Variants in FGF14 observed in about 807,000 individuals in gnomAD.
FGF14 encodes the protein fibroblast growth factor 14.
A neutral mutation model predicts 25.5 loss-of-function variants in FGF14; 5 were observed. That is an observed-to-expected ratio of 0.20 (90% CI 0.10 to 0.41). The LOEUF is 0.41. FGF14 is among the 10% of genes least tolerant of loss of function. The pLI is 1.00. For synonymous variants in FGF14, 138 were observed against 118.3 expected (o/e 1.17, Z -1.08); for missense variants, 222 against 320.1 (o/e 0.69, Z 2.34).
intron 1 of FGF14, among the ~76,000 whole-genome samples, chr13:101,940,874 C>T (rs1462995291): frequency 3.3e-5 from 5 of 152,066 alleles, no homozygotes; most frequent in African/African-American, 4.8e-5. Context: ...AAATATTTTT[C>T]ATTCATAAGC....
Position 101,715,837 on chromosome 13 carries a change from AAAT to A in FGF14, c.*6991_*6993del. The A allele has an allele frequency of 2.1e-6, 1 of 471,028 alleles. No homozygotes were observed. Among genetic ancestry groups the A allele is most frequent in the Non-Finnish European group, 3.8e-6 (1 of 262,558 alleles). 29.2% of individuals were successfully genotyped at this position (471,028 alleles called of 1,614,324 possible). A position where few individuals can be genotyped will look rare whatever the true frequency, so the allele number is the denominator to read the frequency against. On this transcript the variant is annotated 3_prime_UTR_variant, in exon 5 of 5. Transcript: ENST00000376143. ...AAATGAGTTATGCAAATTTAGATGC[AAAT>A]AACATTAGAAAAAAAAGATTCTTCC...
At chr13:102,128,679 C>T (rs1347446882) in intron 1 of FGF14, among the ~76,000 whole-genome samples, 1 of 152,064 alleles carries the variant, frequency 6.6e-6, no homozygotes, top group Non-Finnish European at 1.5e-5. Context: ...CACTGGCAAA[C>T]GTATGTGAAA....
chr13:102,383,442 G>A (rs2058232434), intron 1 of FGF14, among the ~76,000 whole-genome samples: 1 of 152,166 alleles, frequency 6.6e-6, no homozygotes, highest in African/African-American at 2.4e-5. Flanking sequence ...CTTTGTAGAA[G>A]TAATAGCTAT....
intron 1 of FGF14, among the ~76,000 whole-genome samples, chr13:101,875,520 C>G (rs1192701175): frequency 6.6e-6 from 1 of 152,044 alleles, no homozygotes; most frequent in Non-Finnish European, 1.5e-5. Flanking sequence ...TTTTATAAAA[C>G]TGGTATATGC....
intron 1 of FGF14, among the ~76,000 whole-genome samples, chr13:102,061,746 C>T (rs755548438): frequency 6.6e-6 from 1 of 152,182 alleles, no homozygotes; most frequent in Admixed American, 6.5e-5. Flanking sequence ...GCAATACTGT[C>T]GAGTTCTGCC....
intron 1 of FGF14, among the ~76,000 whole-genome samples, chr13:101,946,380 A>T (rs1397997059): frequency 6.6e-6 from 1 of 152,020 alleles, no homozygotes; most frequent in Non-Finnish European, 1.5e-5. Context: ...AAAAAAAAAA[A>T]AAAAGAGGCT....
chr13:101,774,970 A>G (rs1433368168), intron 3 of FGF14, among the ~76,000 whole-genome samples: 1 of 125,826 alleles, frequency 7.9e-6, no homozygotes, highest in African/African-American at 3.7e-5. Context: ...ACTCCATCTC[A>G]AAAAAAAAAA....
At chr13:101,875,832 C>A (rs2045358552) in intron 1 of FGF14, among the ~76,000 whole-genome samples, 7 of 151,858 alleles carry the variant, frequency 4.6e-5, no homozygotes, top group Admixed American at 3.9e-4. Context: ...TGGAGAAAAC[C>A]CCTGGATGTG....
chr13:102,040,626 A>G (rs1220692272), intron 1 of FGF14, among the ~76,000 whole-genome samples: 1 of 152,166 alleles, frequency 6.6e-6, no homozygotes, highest in South Asian at 2.1e-4. Context: ...AATTGGATGG[A>G]TATTTGTTGG....
chr13:101,998,162 A>C (rs2039290132), intron 1 of FGF14, among the ~76,000 whole-genome samples: 1 of 152,174 alleles, frequency 6.6e-6, no homozygotes. Context: ...ATTCATATTA[A>C]AAAAAGCACT....
intron 1 of FGF14, among the ~76,000 whole-genome samples, chr13:102,203,905 T>G (rs1291404852): frequency 2.0e-5 from 3 of 152,226 alleles, no homozygotes; most frequent in African/African-American, 7.2e-5. Flanking sequence ...AATTGTTACC[T>G]TCTGTGCACT....
intron 1 of FGF14, among the ~76,000 whole-genome samples, chr13:102,185,411 C>A (rs1217565866): frequency 6.6e-6 from 1 of 152,126 alleles, no homozygotes; most frequent in Non-Finnish European, 1.5e-5. Flanking sequence ...GGCATAAATT[C>A]TTGAAGACGG....
chr13:101,920,214 C>A (rs1397746249), upstream of FGF14, among the ~76,000 whole-genome samples: 1 of 152,170 alleles, frequency 6.6e-6, no homozygotes, highest in African/African-American at 2.4e-5. Context: ...TACTGTAGTT[C>A]AGAAAATAAT....
chr13:101,865,630 G>A (rs945436712), intron 3 of FGF14, among the ~76,000 whole-genome samples: 1 of 152,102 alleles, frequency 6.6e-6, no homozygotes, highest in Non-Finnish European at 1.5e-5. Context: ...TCTGTCTCCA[G>A]AAGGTGGAAT....
chr13:101,993,312 T>C (rs774107384), intron 1 of FGF14, among the ~76,000 whole-genome samples: 6 of 151,966 alleles, frequency 3.9e-5, no homozygotes, highest in Non-Finnish European at 7.4e-5. Context: ...ACAAGGAAAT[T>C]TTTTTGCCAG....
At chr13:102,332,391 T>C (rs2056660043) in intron 1 of FGF14, among the ~76,000 whole-genome samples, 1 of 152,160 alleles carries the variant, frequency 6.6e-6, no homozygotes. Flanking sequence ...TATGTTAATA[T>C]TTTAAAAATA....
exon 1 of FGF14, chr13:102,401,722 C>T: frequency 1.3e-6 from 2 of 1,521,416 alleles, no homozygotes; most frequent in Non-Finnish European, 1.8e-6. Flanking sequence ...GTTTTTTCCC[C>T]TCACGTGGTA....
At chr13:101,885,538 C>A (rs766026618) in intron 1 of FGF14, among the ~76,000 whole-genome samples, 1 of 152,118 alleles carries the variant, frequency 6.6e-6, no homozygotes, top group African/African-American at 2.4e-5. Context: ...CACTACTCAG[C>A]GCACATTTTG....
At chr13:102,148,029 T>A (rs1299781760) in intron 1 of FGF14, among the ~76,000 whole-genome samples, 1 of 151,880 alleles carries the variant, frequency 6.6e-6, no homozygotes, top group Non-Finnish European at 1.5e-5. Context: ...TAGCAAAATC[T>A]TTTTTTAATA....
Sources: allele counts gnomAD v4.1 joint callset (sites outside exome capture counted in the v4.1 genomes callset), GRCh38; gene constraint gnomAD v4.1.1; transcripts MANE v1.5; gene names NCBI Gene and HGNC (gene_info 2026-07-23, HGNC 2026-07-21).